The following NEGR1 variants were observed in gnomAD, a reference collection of about 807,000 sequenced individuals.
NEGR1 encodes neuronal growth regulator 1.
A neutral mutation model predicts 40.9 loss-of-function variants in NEGR1; 10 were observed. The observed-to-expected ratio is 0.24, with a 90% CI of 0.15 to 0.42. The LOEUF is 0.42. NEGR1 is among the 10% of genes least tolerant of loss of function. NEGR1 has a pLI of 1.00. For synonymous variants in NEGR1, 185 were observed against 166.8 expected, an observed-to-expected ratio of 1.11 and a Z score of -0.84; for missense variants, 352 against 438.9, an observed-to-expected ratio of 0.80 and a Z score of 1.77.
chr1:71,906,538 T>C (rs1175070416), intron 2 of NEGR1, among the ~76,000 whole-genome samples: 1 of 151,940 alleles, frequency 6.6e-6, no homozygotes, highest in African/African-American at 2.4e-5. Context: ...AATTTTCTCA[T>C]TAACTCTTAT....
intron 6 of NEGR1, among the ~76,000 whole-genome samples, chr1:71,474,008 T>C (rs1646801730): frequency 6.6e-6 from 1 of 151,976 alleles, no homozygotes; most frequent in African/African-American, 2.4e-5. Flanking sequence ...AGTTTGGCAC[T>C]GGGTAAGATC....
At chr1:71,453,700 C>T (rs1646650032) in intron 6 of NEGR1, among the ~76,000 whole-genome samples, 1 of 152,026 alleles carries the variant, frequency 6.6e-6, no homozygotes, top group African/African-American at 2.4e-5. Context: ...TGCTATTGCC[C>T]TCGATGATAT....
intron 5 of NEGR1, among the ~76,000 whole-genome samples, chr1:71,595,455 C>A (rs180831344): frequency 2.6e-5 from 4 of 152,316 alleles, no homozygotes; most frequent in Admixed American, 2.6e-4. Flanking sequence ...GGAAGAAGGA[C>A]TTTGCAAAGC....
At chr1:72,182,990 T>G (rs762221515) in intron 1 of NEGR1, among the ~76,000 whole-genome samples, 13 of 152,156 alleles carry the variant, frequency 8.5e-5, no homozygotes, top group Admixed American at 2.0e-4. Flanking sequence ...GAAGAAGTCA[T>G]TCATCTAAGT....
At chr1:71,689,080 G>A (rs139684930) in intron 4 of NEGR1, among the ~76,000 whole-genome samples, 3 of 152,176 alleles carry the variant, frequency 2.0e-5, no homozygotes, top group Admixed American at 6.5e-5. Flanking sequence ...TGAAATTTAC[G>A]TCTTTATTAC....
intron 4 of NEGR1, among the ~76,000 whole-genome samples, chr1:71,682,760 G>T (rs1652882542): frequency 6.6e-6 from 1 of 152,182 alleles, no homozygotes; most frequent in South Asian, 2.1e-4. Flanking sequence ...GGTCGTGGGG[G>T]CAGGGCTTTC....
At chr1:71,659,244 G>T (rs1651976216) in intron 4 of NEGR1, among the ~76,000 whole-genome samples, 1 of 152,090 alleles carries the variant, frequency 6.6e-6, no homozygotes, top group South Asian at 2.1e-4. Context: ...ATTGTGTGTT[G>T]TACAGAGGCC....
intron 1 of NEGR1, among the ~76,000 whole-genome samples, chr1:72,003,495 A>T (rs889998677): frequency 4.6e-5 from 7 of 152,188 alleles, no homozygotes; most frequent in Admixed American, 6.6e-5. Context: ...AATTAAAGAC[A>T]TTAACAAAAT....
Position 71,543,753 on chromosome 1 carries a change from C to T in NEGR1, c.940+49064G>A, listed in dbSNP as rs1473641745. ...ATTAATATAAAAAACTTTAATAGTC[C>T]CCTTAAATTTATTCATTTGAGAAAA... On this transcript the variant is annotated intron_variant, in intron 6 of 6. Coordinates refer to ENST00000357731, the MANE Select transcript of NEGR1 (RefSeq NM_173808.3). Among the ~76,000 whole-genome samples, 6 of 151,490 alleles carry T rather than the reference C, an allele frequency of 4.0e-5. No individual in the cohort carries two copies. In the East Asian group the frequency reaches 9.8e-4, roughly 25 times the overall value.
chr1:71,849,689 CTTGTT>C (rs1659539420), intron 2 of NEGR1, among the ~76,000 whole-genome samples: 1 of 152,062 alleles, frequency 6.6e-6, no homozygotes, highest in African/African-American at 2.4e-5. Flanking sequence ...GGCAAACTTG[CTTGTT>C]TTATTTTAAG....
chr1:71,633,845 G>A (rs939791217), intron 4 of NEGR1, among the ~76,000 whole-genome samples: 1 of 152,026 alleles, frequency 6.6e-6, no homozygotes, highest in Admixed American at 6.6e-5. Flanking sequence ...CAGCCCATGT[G>A]GAGTTATTAT....
chr1:71,550,864 G>T (rs1299607437), intron 6 of NEGR1, among the ~76,000 whole-genome samples: 5 of 151,564 alleles, frequency 3.3e-5, no homozygotes, highest in Admixed American at 2.6e-4. Context: ...GAGCAATGTC[G>T]AGTTGGGCAA....
intron 1 of NEGR1, among the ~76,000 whole-genome samples, chr1:71,978,669 C>A (rs995942832): frequency 1.3e-5 from 2 of 151,884 alleles, no homozygotes; most frequent in African/African-American, 4.8e-5. Flanking sequence ...CCACCTCACA[C>A]CAGTCAGAAA....
chr1:71,576,088 G>A (rs1309293891), intron 6 of NEGR1, among the ~76,000 whole-genome samples: 2 of 152,174 alleles, frequency 1.3e-5, no homozygotes, highest in African/African-American at 4.8e-5. Context: ...AGAGGACACA[G>A]ACAAGAGCCA....
At chr1:72,147,954 A>T (rs557988255) in intron 1 of NEGR1, among the ~76,000 whole-genome samples, 281 of 152,246 alleles carry the variant, frequency 1.8e-3, no homozygotes, top group Non-Finnish European at 3.1e-3. Context: ...AGCAGGGTAC[A>T]GCCTCCCTCC....
chr1:71,759,403 T>G (rs1221375379), intron 3 of NEGR1, among the ~76,000 whole-genome samples: 1 of 145,092 alleles, frequency 6.9e-6, no homozygotes, highest in Non-Finnish European at 1.5e-5. Context: ...GTTCAAGTGA[T>G]TCTCCTGGCT....
At chr1:71,775,344 A>C (rs1417170419) in intron 3 of NEGR1, among the ~76,000 whole-genome samples, 4 of 114,800 alleles carry the variant, frequency 3.5e-5, no homozygotes, top group Non-Finnish European at 7.5e-5. Context: ...AGTATTCTTT[A>C]ACTTTTTTTT....
chr1:71,426,745 T>A (rs1456765322), intron 6 of NEGR1, among the ~76,000 whole-genome samples: 1 of 152,172 alleles, frequency 6.6e-6, no homozygotes, highest in Non-Finnish European at 1.5e-5. Flanking sequence ...AGAAAAGGTA[T>A]TTTGCAGGGT....
intron 3 of NEGR1, among the ~76,000 whole-genome samples, chr1:71,699,551 AT>A (rs1653610260): frequency 6.6e-6 from 1 of 151,944 alleles, no homozygotes; most frequent in Non-Finnish European, 1.5e-5. Context: ...TGAAATATAT[AT>A]TAAAAAAACA....
Sources: allele counts gnomAD v4.1 joint callset (sites outside exome capture counted in the v4.1 genomes callset), GRCh38; gene constraint gnomAD v4.1.1; transcripts MANE v1.5; gene names NCBI Gene and HGNC (gene_info 2026-07-23, HGNC 2026-07-21).